PGR: variants seen among roughly 807,000 people sequenced by gnomAD.
The protein encoded by PGR is progesterone receptor, also known as nuclear receptor subfamily 3 group C member 3.
A neutral mutation model predicts 76.1 loss-of-function variants in PGR; 25 were observed. That is an observed-to-expected ratio of 0.33 (90% CI 0.24 to 0.46). The LOEUF (loss-of-function observed/expected upper bound fraction) is 0.46, where lower values mean the gene tolerates loss of function less well. Among genes scored for constraint, PGR ranks in the 20% least tolerant of loss-of-function variants. The probability of loss-of-function intolerance (pLI) is 1.00; values close to 1 mark genes in which losing one functional copy is unlikely to be tolerated. For synonymous variants in PGR, 579 were observed against 535.0 expected (o/e 1.08, Z -1.14); for missense variants, 1,172 against 1,225.3 (o/e 0.96, Z 0.65).
At chr11:101,048,291 G>C (rs1353686680) in intron 6 of PGR, among the ~76,000 whole-genome samples, 1 of 152,102 alleles carries the variant, frequency 6.6e-6, no homozygotes, top group Non-Finnish European at 1.5e-5. Flanking sequence ...AAATACTTTG[G>C]GGATGGGGTG....
chr11:101,080,316 T>A (rs1452760662), intron 3 of PGR, among the ~76,000 whole-genome samples: 1 of 152,018 alleles, frequency 6.6e-6, no homozygotes, highest in Non-Finnish European at 1.5e-5. Flanking sequence ...CAGAGCCCAG[T>A]ATAAAACCTG....
rs11571273 is a variant in PGR, at chr11:101,038,354, T to C, written c.*762A>G. 1.2e-4 allele frequency: 25 copies of C among 209,300 alleles called. No individual in the cohort carries two copies. The highest frequency in any genetic ancestry group is 1.1e-3 in the East Asian group (15 of 13,836). The allele number at this position is 209,300 out of a possible 1,614,324, so 13.0% of individuals were successfully genotyped here. ...GGTAAGGAGTACAGTTAGGCCATAA[T>C]CTTCTGATTTCTTATGTCCACTCGC... On this transcript the variant is annotated 3_prime_UTR_variant, in exon 8 of 8. Transcript: ENST00000325455.
chr11:101,047,374 AT>A (rs773155319), intron 6 of PGR, among the ~76,000 whole-genome samples: 9 of 152,168 alleles, frequency 5.9e-5, no homozygotes, highest in Non-Finnish European at 1.3e-4. Flanking sequence ...GCAGGAGCTA[AT>A]TACTGTATTA....
rs372663348 is a variant in PGR at position 101,114,177 on chromosome 11, G to C, written c.1789+11830C>G. ...ACCCCGCATTTAAACACCAGGGTTA[G>C]ATCTTCCTGTCCTATACTTCCACAA... On this transcript the variant is annotated intron_variant, in intron 2 of 7. Coordinates refer to ENST00000325455, the MANE Select transcript of PGR (RefSeq NM_000926.4). Among the ~76,000 whole-genome samples the C allele has an allele frequency of 2.0e-4, 31 of 152,260 alleles. No homozygotes were observed. The South Asian group carries it at 6.0e-3, about 30-fold the overall frequency.
At chr11:101,076,662 G>C (rs1180948925) in intron 3 of PGR, among the ~76,000 whole-genome samples, 1 of 151,682 alleles carries the variant, frequency 6.6e-6, no homozygotes, top group Non-Finnish European at 1.5e-5. Flanking sequence ...GATATGAAAG[G>C]TTTTTGAGAG....
chr11:101,046,336 T>A (rs987218328), intron 6 of PGR, among the ~76,000 whole-genome samples: 22 of 93,932 alleles, frequency 2.3e-4, no homozygotes, highest in Non-Finnish European at 3.5e-4. Context: ...TTTTTTTTTT[T>A]AGAGACGGGG....
chr11:101,081,357 G>A (rs1861299951), intron 3 of PGR, among the ~76,000 whole-genome samples: 1 of 151,884 alleles, frequency 6.6e-6, no homozygotes, highest in Non-Finnish European at 1.5e-5. Flanking sequence ...GGAACTTGGA[G>A]GGCGGAGGTT....
intron 6 of PGR, among the ~76,000 whole-genome samples, chr11:101,045,449 C>G (rs977394305): frequency 6.6e-6 from 1 of 152,128 alleles, no homozygotes. Context: ...GTCTCACCCC[C>G]CTCCTACCTT....
At chr11:101,102,093 C>T (rs1011384062) in intron 2 of PGR, among the ~76,000 whole-genome samples, 1 of 151,996 alleles carries the variant, frequency 6.6e-6, no homozygotes, top group Non-Finnish European at 1.5e-5. Context: ...TGCCAATGTC[C>T]TGAAAGACAA....
chr11:101,046,916 TA>T (rs1379124658), intron 6 of PGR, among the ~76,000 whole-genome samples: 1 of 152,212 alleles, frequency 6.6e-6, no homozygotes, highest in Admixed American at 6.5e-5. Context: ...ATTCCCTGCA[TA>T]TTTTTATAAT....
At chr11:101,117,095 T>C (rs1862535937) in intron 2 of PGR, among the ~76,000 whole-genome samples, 1 of 152,304 alleles carries the variant, frequency 6.6e-6, no homozygotes, top group South Asian at 2.1e-4. Context: ...TCTAGAGTTC[T>C]GTAAGGATGA....
At position 101,031,475 on chromosome 11, in the gene PGR, G is replaced by A. The variant is rs1859349079; in HGVS notation, c.*7641C>T. 8.7e-6 allele frequency: 2 copies of A among 229,472 alleles called. No individual in the cohort carries two copies. Among genetic ancestry groups the A allele is most frequent in the South Asian group, 1.8e-4 (1 of 5,496 alleles). 14.2% of individuals were successfully genotyped at this position (229,472 alleles called of 1,614,324 possible). ...AAGGCTCTTTTAGATGAAAAAACAT[G>A]GATAGATTATTAAGCGCCAAGTTTT... On this transcript the variant is annotated 3_prime_UTR_variant, in exon 8 of 8. Transcript: ENST00000325455.
intron 5 of PGR, 56 bp downstream of exon 5, chr11:101,051,368 A>C (rs981605062): frequency 1.1e-5 from 13 of 1,204,504 alleles, no homozygotes; most frequent in African/African-American, 1.5e-5. Context: ...TATAACTTTC[A>C]AAATTATCCT....
intron 6 of PGR, among the ~76,000 whole-genome samples, chr11:101,042,873 TA>T (rs1468659855): frequency 1.3e-5 from 2 of 152,276 alleles, no homozygotes; most frequent in Admixed American, 6.5e-5. Context: ...ACACCTTAAC[TA>T]AAAAACACTT....
In PGR at chr11:101,031,766, G is replaced by C. The variant is rs1465135314; in HGVS notation, c.*7350C>G. On this transcript the variant is annotated 3_prime_UTR_variant, in exon 8 of 8. Transcript: ENST00000325455. ...GTTCCATAGAAGGAATCCCAGATAA[G>C]GCTTTTTAAAAGCCGAGCCCAGCCA... is the stretch of plus-strand genomic sequence containing the variant. The C allele has an allele frequency of 4.4e-6, 1 of 227,944 alleles. No individual in the cohort carries two copies. Among genetic ancestry groups the C allele is most frequent in the Non-Finnish European group, 8.7e-6 (1 of 114,798 alleles). The allele number at this position is 227,944 out of a possible 1,614,324, so 14.1% of individuals were successfully genotyped here.
intron 2 of PGR, among the ~76,000 whole-genome samples, chr11:101,112,375 T>A (rs1337146876): frequency 6.6e-6 from 1 of 152,098 alleles, no homozygotes; most frequent in African/African-American, 2.4e-5. Context: ...GCGGGAGGAT[T>A]GGTAGAGCCT....
rs141122333 is a variant in PGR at position 101,128,636 on chromosome 11, G to A, written c.435C>T (p.Pro145=). The A allele has an allele frequency of 1.1e-5, 17 of 1,589,048 alleles. No individual in the cohort carries two copies. The African/African-American group carries it at 2.0e-4, about 19-fold the overall frequency. The change falls in exon 1 of 8, where the codon CCC becomes CCT. Residue 145 remains proline (P), a synonymous_variant. Transcript: ENST00000325455. ...EVTSSWCLFG[P]ELPEDPPAAP... ...CAGCCGGTGGATCTTCGGGAAGTTC[G>A]GGGCCAAACAGGCACCAAGAGCTGG...
intron 2 of PGR, among the ~76,000 whole-genome samples, chr11:101,114,110 T>C (rs902241602): frequency 6.6e-6 from 1 of 152,226 alleles, no homozygotes; most frequent in Non-Finnish European, 1.5e-5. Context: ...TTTAATATTT[T>C]TAGTCTAATA....
Position 101,128,109 on chromosome 11 carries a change from C to T in PGR, c.962G>A (p.Arg321Gln). ...GTAACTTTCGTCTTCCAGCAGCTGC[C>T]GAGTGCGGGCTGCCAATAAGGCGTG... Reference protein sequence around the residue: ...LNHALLAARTRQLLEDESYDG... With the variant: ...LNHALLAARTQQLLEDESYDG... The change falls in exon 1 of 8, where the codon CGG becomes CAG. Residue 321 changes from arginine to glutamine, a missense_variant. Physicochemically the swap from Arg to Gln is conservative, Grantham distance 43 (BLOSUM62 1). Coordinates refer to ENST00000325455, the MANE Select transcript of PGR (RefSeq NM_000926.4). The T allele has an allele frequency of 6.3e-7, 1 of 1,598,704 alleles. No individual in the cohort carries two copies.
Sources: gnomAD v4.1 joint callset for allele counts (sites outside exome capture counted in the v4.1 genomes callset) on GRCh38, gnomAD v4.1.1 for gene constraint, MANE v1.5 for transcripts, NCBI Gene and HGNC (gene_info 2026-07-23, HGNC 2026-07-21) for gene names.